The following NRXN1 variants were observed in gnomAD, a reference collection of about 807,000 sequenced individuals.
NRXN1 encodes neurexin 1, also known as neurexin-1.
In NRXN1, 39 loss-of-function variants were observed where a neutral mutation model predicts 150.9. The ratio of observed to expected loss-of-function variants is 0.26; its 90% CI spans 0.20 to 0.34. NRXN1 has a LOEUF of 0.34. NRXN1 is among the 10% of genes least tolerant of loss of function. The pLI is 1.00. For synonymous variants in NRXN1, 924 were observed against 757.0 expected (o/e 1.22, Z -3.62); for missense variants, 1,815 against 1,949.9 (o/e 0.93, Z 1.30).
chr2:50,674,821 C>T (rs910312830), intron 5 of NRXN1, among the ~76,000 whole-genome samples: 3 of 152,036 alleles, frequency 2.0e-5, no homozygotes, highest in Admixed American at 1.3e-4. Flanking sequence ...ATTTTAAATA[C>T]ATTTAATTTG....
At chr2:50,937,222 A>G (rs1326415487) in intron 2 of NRXN1, among the ~76,000 whole-genome samples, 1 of 152,172 alleles carries the variant, frequency 6.6e-6, no homozygotes, top group Non-Finnish European at 1.5e-5. Context: ...GTTAGCCATT[A>G]TATTATTATA....
At chr2:50,898,973 A>T (rs2103927327) in intron 5 of NRXN1, among the ~76,000 whole-genome samples, 1 of 152,126 alleles carries the variant, frequency 6.6e-6, no homozygotes, top group East Asian at 1.9e-4. Context: ...AATATAGATG[A>T]CTCAAAGAAA....
intron 5 of NRXN1, among the ~76,000 whole-genome samples, chr2:50,870,482 C>T (rs999305894): frequency 1.3e-5 from 2 of 151,876 alleles, no homozygotes; most frequent in African/African-American, 2.4e-5. Flanking sequence ...TATTTTGTAC[C>T]CAGACATTCT....
At chr2:50,986,558 A>C (rs1267814682) in intron 2 of NRXN1, among the ~76,000 whole-genome samples, 2 of 151,770 alleles carry the variant, frequency 1.3e-5, no homozygotes, top group Admixed American at 1.3e-4. Flanking sequence ...AAACATTAAC[A>C]TAGTGAGAAA....
chr2:50,403,759 C>T (rs2082553507), intron 17 of NRXN1, among the ~76,000 whole-genome samples: 1 of 151,784 alleles, frequency 6.6e-6, no homozygotes, highest in Non-Finnish European at 1.5e-5. Flanking sequence ...TATATTTGCC[C>T]TTAGTATCTG....
At chr2:50,727,508 T>A (rs1697534778) in intron 5 of NRXN1, among the ~76,000 whole-genome samples, 1 of 152,112 alleles carries the variant, frequency 6.6e-6, no homozygotes, top group Admixed American at 6.5e-5. Context: ...TTGTTTTTCT[T>A]CTGCCAAAAA....
chr2:50,514,994 C>A lies in NRXN1; in HGVS notation c.2375-8377G>T, dbSNP rs184961291. Among the ~76,000 whole-genome samples the A allele has an allele frequency of 4.3e-4, 65 of 152,268 alleles. 1 individual carries two copies. In the East Asian group the frequency reaches 4.8e-3, roughly 11 times the overall value. Reference sequence around the variant, plus strand: ...GCTTTAAGCCCGGGCTCCCCACCCCCCAGGCCACAGACAGGTACCAGCCTG... The same window carrying A: ...GCTTTAAGCCCGGGCTCCCCACCCCACAGGCCACAGACAGGTACCAGCCTG... On this transcript the variant is annotated intron_variant, in intron 12 of 22. Coordinates refer to ENST00000401669, the MANE Select transcript of NRXN1 (RefSeq NM_001330078.2).
chr2:50,596,746 T>G (rs1341972574), intron 8 of NRXN1, among the ~76,000 whole-genome samples: 1 of 152,086 alleles, frequency 6.6e-6, no homozygotes, highest in Non-Finnish European at 1.5e-5. Context: ...TTGACAGCCT[T>G]CAGGAGCCCC....
intron 21 of NRXN1, among the ~76,000 whole-genome samples, chr2:49,951,038 A>G (rs1183873743): frequency 6.6e-6 from 1 of 151,912 alleles, no homozygotes; most frequent in Non-Finnish European, 1.5e-5. Context: ...CAGAACCACT[A>G]AAGTGGGTTT....
intron 2 of NRXN1, among the ~76,000 whole-genome samples, chr2:50,983,519 T>C (rs1460497717): frequency 2.6e-5 from 4 of 152,136 alleles, no homozygotes; most frequent in African/African-American, 7.2e-5. Context: ...TATTCCTGTT[T>C]CTTCCTATAC....
At chr2:50,480,599 C>A (rs973574613) in intron 15 of NRXN1, among the ~76,000 whole-genome samples, 1 of 152,142 alleles carries the variant, frequency 6.6e-6, no homozygotes, top group African/African-American at 2.4e-5. Context: ...GTTTGTTAAT[C>A]CTCATCTGCA....
intron 8 of NRXN1, among the ~76,000 whole-genome samples, chr2:50,563,869 G>A (rs1010637724): frequency 1.3e-5 from 2 of 152,112 alleles, no homozygotes; most frequent in African/African-American, 2.4e-5. Flanking sequence ...TTCCCTGGCT[G>A]CCTGCCTTTA....
At chr2:50,879,475 A>T (rs1401004683) in intron 5 of NRXN1, among the ~76,000 whole-genome samples, 1 of 151,974 alleles carries the variant, frequency 6.6e-6, no homozygotes, top group Non-Finnish European at 1.5e-5. Context: ...CTCCCAAATA[A>T]ATGTTTTAAT....
In NRXN1 at chr2:49,990,102, TAA is replaced by T. The variant is rs60517610; in HGVS notation, c.4129-46313_4129-46312del. Among the ~76,000 whole-genome samples the T allele has an allele frequency of 5.1e-3, 761 of 149,466 alleles. 6 individuals are homozygous for T. Among genetic ancestry groups the T allele is most frequent in the African/African-American group, 0.018 (733 of 40,624 alleles). On this transcript the variant is annotated intron_variant, in intron 21 of 22. Transcript: ENST00000401669. ...CATGCAACCAGCCAAGCAATAAATT[TAA>T]AAAAAAAAAAACTATCAAAGAGTGA...
intron 18 of NRXN1, among the ~76,000 whole-genome samples, chr2:50,210,756 T>C (rs943942374): frequency 1.3e-5 from 2 of 151,608 alleles, no homozygotes; most frequent in African/African-American, 4.8e-5. Flanking sequence ...ATAGATAATG[T>C]ACTAGTTATG....
chr2:50,567,843 TCAGA>T (rs200716026), intron 8 of NRXN1, among the ~76,000 whole-genome samples: 3,734 of 152,246 alleles, frequency 0.025, 55 homozygotes, highest in East Asian at 0.064. Flanking sequence ...GAGTGTTTAG[TCAGA>T]CATTCTTTTA....
At chr2:50,564,813 A>G (rs1343388493) in intron 8 of NRXN1, among the ~76,000 whole-genome samples, 1 of 152,054 alleles carries the variant, frequency 6.6e-6, no homozygotes, top group African/African-American at 2.4e-5. Flanking sequence ...TCTATTCTTT[A>G]ATTATTTCTT....
At chr2:50,978,266 T>TTATATATA (rs1237092456) in intron 2 of NRXN1, among the ~76,000 whole-genome samples, 2 of 33,914 alleles carry the variant, frequency 5.9e-5, no homozygotes, top group Non-Finnish European at 6.6e-5. Flanking sequence ...AATATGGATA[T>TTATATATA]TATACATATA....
At chr2:50,996,651 T>G (rs1699332510) in intron 2 of NRXN1, among the ~76,000 whole-genome samples, 1 of 151,938 alleles carries the variant, frequency 6.6e-6, no homozygotes, top group African/African-American at 2.4e-5. Flanking sequence ...ACGAAAAGCT[T>G]AGACTTCCAC....
Sources: allele counts gnomAD v4.1 joint callset (sites outside exome capture counted in the v4.1 genomes callset), GRCh38; gene constraint gnomAD v4.1.1; transcripts MANE v1.5; gene names NCBI Gene and HGNC (gene_info 2026-07-23, HGNC 2026-07-21).